The following MLLT10 variants were observed in gnomAD, a reference collection of about 807,000 sequenced individuals.
The protein encoded by MLLT10 is protein AF-10.
In MLLT10, 30 loss-of-function variants were observed where a neutral mutation model predicts 129.1. That is an observed-to-expected ratio of 0.23 (90% CI 0.17 to 0.32). The LOEUF (loss-of-function observed/expected upper bound fraction) is 0.32. Among genes scored for constraint, MLLT10 ranks in the 10% least tolerant of loss-of-function variants. The probability of loss-of-function intolerance (pLI) is 1.00; values close to 1 mark genes in which losing one functional copy is unlikely to be tolerated. For synonymous variants in MLLT10, 490 were observed against 446.4 expected (o/e 1.10, Z -1.23); for missense variants, 1,119 against 1,268.3 (o/e 0.88, Z 1.79).
chr10:21,544,515 T>A (rs2035767410), intron 3 of MLLT10, among the ~76,000 whole-genome samples: 1 of 152,114 alleles, frequency 6.6e-6, no homozygotes, highest in Non-Finnish European at 1.5e-5. Context: ...CAGTAAAGAT[T>A]CAGAAAAGTA....
rs185632253 is a variant in MLLT10 at position 21,741,643 on chromosome 10, G to A, written c.3163-296G>A. Among the ~76,000 whole-genome samples, 7 of 152,284 alleles carry A rather than the reference G, an allele frequency of 4.6e-5. No homozygotes were observed. The East Asian group carries it at 1.3e-3, about 29-fold the overall frequency. On this transcript the variant is annotated intron_variant, in intron 22 of 22. Coordinates refer to ENST00000307729, the MANE Select transcript of MLLT10 (RefSeq NM_001195626.3). The stretch of plus-strand genomic sequence containing the variant: ...AAAATTTCATTCTCTACAGTACCAT[G>A]TTACTTCTGTGGAAAAGTTGATTTT...
Position 21,705,340 on chromosome 10 carries a change from G to A in MLLT10, c.1700-8432G>A, listed in dbSNP as rs913522898. 3.9e-5 allele frequency among the ~76,000 whole-genome samples: 6 copies of A among 152,294 alleles called. No homozygotes were observed. The South Asian group carries it at 6.2e-4, about 16-fold the overall frequency. ...TCAGGTGCTAATGATGTTGGATTGC[G>A]CTGGGCAGTCCCCTGTACTCCAGAC... On this transcript the variant is annotated intron_variant, in intron 13 of 22. Coordinates refer to ENST00000307729, the MANE Select transcript of MLLT10 (RefSeq NM_001195626.3).
At chr10:21,663,996 A>G (rs2050484439) in intron 9 of MLLT10, among the ~76,000 whole-genome samples, 1 of 152,216 alleles carries the variant, frequency 6.6e-6, no homozygotes, top group Non-Finnish European at 1.5e-5. Flanking sequence ...ACGAGAAACC[A>G]GAATTCCTAG....
At chr10:21,570,107 C>T (rs1352377018) in intron 3 of MLLT10, among the ~76,000 whole-genome samples, 1 of 152,080 alleles carries the variant, frequency 6.6e-6, no homozygotes, top group Non-Finnish European at 1.5e-5. Context: ...TGGGGTTTGT[C>T]CATGTTGGTT....
chr10:21,628,202 G>A (rs1242104306), intron 8 of MLLT10, among the ~76,000 whole-genome samples: 1 of 152,084 alleles, frequency 6.6e-6, no homozygotes, highest in Non-Finnish European at 1.5e-5. Flanking sequence ...GGGAACATCC[G>A]TCTCCTGGTA....
chr10:21,600,853 C>A (rs2043458880), intron 5 of MLLT10, among the ~76,000 whole-genome samples: 1 of 152,160 alleles, frequency 6.6e-6, no homozygotes, highest in Non-Finnish European at 1.5e-5. Context: ...ACCCTAGTTA[C>A]ACATTCTCTT....
chr10:21,546,841 C>T (rs1387584510), intron 3 of MLLT10, among the ~76,000 whole-genome samples: 1 of 152,006 alleles, frequency 6.6e-6, no homozygotes, highest in East Asian at 1.9e-4. Context: ...GATTGTCCTG[C>T]CTCAGCCTCC....
chr10:21,713,505 T>C (rs573309317), intron 13 of MLLT10, among the ~76,000 whole-genome samples: 1 of 152,358 alleles, frequency 6.6e-6, no homozygotes, highest in South Asian at 2.1e-4. Flanking sequence ...ATCCATGACA[T>C]ATTTTTTACA....
intron 3 of MLLT10, among the ~76,000 whole-genome samples, chr10:21,553,029 C>A (rs180911685): frequency 2.0e-5 from 3 of 152,136 alleles, no homozygotes; most frequent in Admixed American, 2.0e-4. Flanking sequence ...ATCCCTTCAC[C>A]ATTATCTTGG....
chr10:21,559,624 C>T lies in MLLT10; in HGVS notation c.240+20712C>T, dbSNP rs140148491. 1.9e-3 allele frequency among the ~76,000 whole-genome samples: 294 copies of T among 152,290 alleles called. 2 individuals are homozygous for T. The highest frequency in any genetic ancestry group is 3.4e-3 in the Middle Eastern group (1 of 294). On this transcript the variant is annotated intron_variant, in intron 3 of 22. Coordinates refer to ENST00000307729, the MANE Select transcript of MLLT10 (RefSeq NM_001195626.3). ...TACCTTGTAAGCATAACTCTCATTT[C>T]GCCCTCTCTATAGCCCCTGGTAACT...
intron 3 of MLLT10, among the ~76,000 whole-genome samples, chr10:21,551,299 T>C (rs1230182913): frequency 6.8e-6 from 1 of 148,058 alleles, no homozygotes; most frequent in Non-Finnish European, 1.5e-5. Flanking sequence ...CTTTTTTTTT[T>C]TTTTTTTTTT....
chr10:21,734,507 TTTTGATATAGGATAAAGGTCA>T (rs2058205232), intron 20 of MLLT10, among the ~76,000 whole-genome samples: 1 of 152,188 alleles, frequency 6.6e-6, no homozygotes, highest in South Asian at 2.1e-4. Context: ...TAATCAAAGA[TTTTGATATAGGATAAAGGTCA>T]TTTATCTGAA....
At position 21,622,549 on chromosome 10, in the gene MLLT10, G is replaced by T. The variant is rs531802945; in HGVS notation, c.699+5342G>T. Among the ~76,000 whole-genome samples the T allele has an allele frequency of 1.6e-3, 242 of 152,254 alleles. 3 individuals are homozygous for T. Among genetic ancestry groups the T allele is most frequent in the African/African-American group, 5.7e-3 (235 of 41,558 alleles). On this transcript the variant is annotated intron_variant, in intron 8 of 22. Coordinates refer to ENST00000307729, the MANE Select transcript of MLLT10 (RefSeq NM_001195626.3). ...CATATATTTAAAATCAATTAAAGCTGTGCCTATCAGGATTAAATTCAGTCA... is the reference window on the plus strand; with the variant it reads ...CATATATTTAAAATCAATTAAAGCTTTGCCTATCAGGATTAAATTCAGTCA...
At chr10:21,701,920 C>CGTCTT (rs2054962450) in intron 13 of MLLT10, among the ~76,000 whole-genome samples, 1 of 148,766 alleles carries the variant, frequency 6.7e-6, no homozygotes, top group Non-Finnish European at 1.5e-5. Flanking sequence ...CTTCTCGTCT[C>CGTCTT]GTCTCGTCTC....
chr10:21,736,179 G>A, intron 21 of MLLT10, among the ~76,000 whole-genome samples: 1 of 152,150 alleles, frequency 6.6e-6, no homozygotes, highest in East Asian at 1.9e-4. Flanking sequence ...TAGGGTGTGG[G>A]GGAGTGAAGA....
chr10:21,694,237 T>A (rs1402566176), intron 13 of MLLT10, among the ~76,000 whole-genome samples: 2 of 152,242 alleles, frequency 1.3e-5, no homozygotes, highest in Non-Finnish European at 1.5e-5. Flanking sequence ...TTAACACTGC[T>A]ATATTACTAC....
At chr10:21,716,672 C>A (rs2056585529) in intron 14 of MLLT10, among the ~76,000 whole-genome samples, 1 of 151,036 alleles carries the variant, frequency 6.6e-6, no homozygotes, top group Admixed American at 6.6e-5. Context: ...CCAGCTTGGG[C>A]CAACAGAGCC....
intron 3 of MLLT10, among the ~76,000 whole-genome samples, chr10:21,547,904 C>T (rs2036373394): frequency 6.6e-6 from 1 of 152,046 alleles, no homozygotes; most frequent in Admixed American, 6.6e-5. Context: ...CTTAATATTA[C>T]TCATGTTTTT....
chr10:21,710,078 CTCTA>C (rs1372301456), intron 13 of MLLT10, among the ~76,000 whole-genome samples: 3 of 152,200 alleles, frequency 2.0e-5, no homozygotes, highest in African/African-American at 4.8e-5. Flanking sequence ...TTATAAGATT[CTCTA>C]TCTTAGTTTT....
Sources: gnomAD v4.1 joint callset for allele counts (sites outside exome capture counted in the v4.1 genomes callset) on GRCh38, gnomAD v4.1.1 for gene constraint, MANE v1.5 for transcripts, NCBI Gene and HGNC (gene_info 2026-07-23, HGNC 2026-07-21) for gene names.